ZBTB20: variants seen among roughly 807,000 people sequenced by gnomAD.
ZBTB20 encodes zinc finger and BTB domain containing 20.
In ZBTB20, 9 loss-of-function variants were observed where a neutral mutation model predicts 56.9. That is an observed-to-expected ratio of 0.16 (90% CI 0.10 to 0.28). The LOEUF is 0.28. Among genes scored for constraint, ZBTB20 ranks in the 10% least tolerant of loss-of-function variants. The probability of loss-of-function intolerance (pLI) is 1.00; values close to 1 mark genes in which losing one functional copy is unlikely to be tolerated. For synonymous variants in ZBTB20, 417 were observed against 420.7 expected (o/e 0.99, Z 0.11); for missense variants, 655 against 1,003.0 (o/e 0.65, Z 4.69).
At chr3:114,434,541 G>GGGGTGTGTGTGTGTGTGTGTGTGT (rs1553711977) in intron 7 of ZBTB20, among the ~76,000 whole-genome samples, 2 of 85,736 alleles carry the variant, frequency 2.3e-5, no homozygotes, top group African/African-American at 3.3e-5. Context: ...CTGCAATTGG[G>GGGGTGTGTGTGTGTGTGTGTGTGT]GTGTGTGTGT....
At position 114,325,248 on chromosome 3, in the gene ZBTB20, T is replaced by G. The variant is rs957628520; in HGVS notation, c.*13757A>C. On this transcript the variant is annotated 3_prime_UTR_variant, in exon 12 of 12. Coordinates refer to ENST00000675478, the MANE Select transcript of ZBTB20 (RefSeq NM_001348800.3). ...AAGAAGTTTAGCAGCTGAAAATACCTTTGAGAATTTTCTCCTGTAAATCTA... is the reference window on the plus strand; with the variant it reads ...AAGAAGTTTAGCAGCTGAAAATACCGTTGAGAATTTTCTCCTGTAAATCTA... The G allele has an allele frequency of 1.6e-4, 24 of 152,174 alleles. No individual in the cohort carries two copies. The highest frequency in any genetic ancestry group is 5.8e-4 in the African/African-American group (24 of 41,434). The allele number at this position is 152,174 out of a possible 1,614,324, so 9.4% of individuals were successfully genotyped here. A position where few individuals can be genotyped will look rare whatever the true frequency, so the allele number is the denominator to read the frequency against.
rs190258008 is a variant in ZBTB20 at position 114,325,637 on chromosome 3, T to C, written c.*13368A>G. On this transcript the variant is annotated 3_prime_UTR_variant, in exon 12 of 12. Transcript: ENST00000675478. ...GTAGTGCTAACTTTCTCCGGTAACC[T>C]TGACAACTGGCTTTAGGAATCCAGA... 1 of 152,294 alleles carries C rather than the reference T, an allele frequency of 6.6e-6. No homozygotes were observed. Among genetic ancestry groups the C allele is most frequent in the Admixed American group, 6.5e-5 (1 of 15,294 alleles). The allele number at this position is 152,294 out of a possible 1,614,324, so 9.4% of individuals were successfully genotyped here.
intron 3 of ZBTB20, among the ~76,000 whole-genome samples, chr3:114,939,883 G>A (rs2076669637): frequency 6.8e-6 from 1 of 146,180 alleles, no homozygotes; most frequent in Admixed American, 6.6e-5. Context: ...ACAAATTCTG[G>A]AAAACAGCTT....
intron 1 of ZBTB20, among the ~76,000 whole-genome samples, chr3:115,134,345 G>A (rs1222019740): frequency 6.6e-6 from 1 of 152,164 alleles, no homozygotes; most frequent in Non-Finnish European, 1.5e-5. Flanking sequence ...CAGAGAAAGT[G>A]CCTGCAAAAT....
At chr3:114,667,636 AGGC>A in intron 6 of ZBTB20, among the ~76,000 whole-genome samples, 1 of 152,220 alleles carries the variant, frequency 6.6e-6, no homozygotes. Flanking sequence ...TAATAACTAA[AGGC>A]ATTTATGTGT....
chr3:114,510,067 A>G (rs1440663492), intron 6 of ZBTB20, among the ~76,000 whole-genome samples: 1 of 152,220 alleles, frequency 6.6e-6, no homozygotes, highest in Non-Finnish European at 1.5e-5. Flanking sequence ...TTACGAAAAT[A>G]TAAAGTATTC....
intron 6 of ZBTB20, among the ~76,000 whole-genome samples, chr3:114,515,066 T>C (rs1320728432): frequency 6.6e-6 from 1 of 152,190 alleles, no homozygotes; most frequent in Admixed American, 6.5e-5. Flanking sequence ...CCAGGCTATG[T>C]TCTTGAATCC....
chr3:114,617,400 C>T (rs76019016), intron 6 of ZBTB20, among the ~76,000 whole-genome samples: 3,310 of 152,282 alleles, frequency 0.022, 116 homozygotes, highest in African/African-American at 0.075. Context: ...ATTCCCAGCA[C>T]GGATTTATCA....
chr3:114,462,269 C>G (rs1005900119), intron 7 of ZBTB20, among the ~76,000 whole-genome samples: 2 of 152,118 alleles, frequency 1.3e-5, no homozygotes, highest in African/African-American at 4.8e-5. Context: ...GTCCAATTCT[C>G]CAGGCCAAAA....
chr3:114,501,667 T>A (rs1416207889), intron 6 of ZBTB20, among the ~76,000 whole-genome samples: 1 of 145,552 alleles, frequency 6.9e-6, no homozygotes, highest in African/African-American at 2.5e-5. Flanking sequence ...AAAACTATTA[T>A]AGGACTGGTC....
chr3:115,037,022 T>C (rs761081985), intron 2 of ZBTB20, among the ~76,000 whole-genome samples: 2 of 152,174 alleles, frequency 1.3e-5, no homozygotes, highest in Non-Finnish European at 2.9e-5. Flanking sequence ...GGAGAATGAT[T>C]TGCTGATTCA....
In ZBTB20 at chr3:114,327,227, A is replaced by G. The variant is rs2108024475; in HGVS notation, c.*11778T>C. 6.6e-6 allele frequency: 1 copy of G among 152,208 alleles called. No homozygotes were observed. The highest frequency in any genetic ancestry group is 1.9e-4 in the East Asian group (1 of 5,180). The allele number at this position is 152,208 out of a possible 1,614,324, so 9.4% of individuals were successfully genotyped here. A position where few individuals can be genotyped will look rare whatever the true frequency, so the allele number is the denominator to read the frequency against. ...ACTAACACAGAGGTTGTGGTGAGAAATTCTGGGTCTTGGGGTTGGAATACT... is the reference window on the plus strand; with the variant it reads ...ACTAACACAGAGGTTGTGGTGAGAAGTTCTGGGTCTTGGGGTTGGAATACT... On this transcript the variant is annotated 3_prime_UTR_variant, in exon 12 of 12. Coordinates refer to ENST00000675478, the MANE Select transcript of ZBTB20 (RefSeq NM_001348800.3).
chr3:114,492,214 C>G (rs1182048833), intron 7 of ZBTB20, among the ~76,000 whole-genome samples: 1 of 152,200 alleles, frequency 6.6e-6, no homozygotes, highest in African/African-American at 2.4e-5. Context: ...CCAACAGATT[C>G]ATTTACCACT....
chr3:114,396,503 T>C (rs2086348730), intron 7 of ZBTB20, among the ~76,000 whole-genome samples: 1 of 152,182 alleles, frequency 6.6e-6, no homozygotes, highest in African/African-American at 2.4e-5. Context: ...TTGGGAATTA[T>C]ATTCCCATTT....
chr3:114,563,290 CAA>C (rs1312217599), intron 6 of ZBTB20, among the ~76,000 whole-genome samples: 1 of 152,178 alleles, frequency 6.6e-6, no homozygotes, highest in Non-Finnish European at 1.5e-5. Flanking sequence ...CTCAAATCTG[CAA>C]AGACACCTTG....
chr3:114,910,567 G>A (rs1032266338), intron 3 of ZBTB20, among the ~76,000 whole-genome samples: 1 of 151,894 alleles, frequency 6.6e-6, no homozygotes, highest in Admixed American at 6.6e-5. Context: ...AAAAAGAAAA[G>A]TAACAATAGC....
intron 7 of ZBTB20, among the ~76,000 whole-genome samples, chr3:114,426,641 C>G (rs1230563932): frequency 6.6e-6 from 1 of 152,096 alleles, no homozygotes; most frequent in Non-Finnish European, 1.5e-5. Context: ...TCCACATAAG[C>G]CTGCATCTAC....
intron 3 of ZBTB20, among the ~76,000 whole-genome samples, chr3:114,903,117 A>G (rs1432659211): frequency 6.6e-6 from 1 of 152,136 alleles, no homozygotes; most frequent in African/African-American, 2.4e-5. Context: ...AGTTCTGGGA[A>G]GCAGTAGAGT....
chr3:114,614,548 T>C (rs1274389704), intron 6 of ZBTB20, among the ~76,000 whole-genome samples: 1 of 152,164 alleles, frequency 6.6e-6, no homozygotes, highest in Admixed American at 6.5e-5. Flanking sequence ...CCATTATTAC[T>C]GAGATTTTTC....
Sources: allele counts gnomAD v4.1 joint callset (sites outside exome capture counted in the v4.1 genomes callset), GRCh38; gene constraint gnomAD v4.1.1; transcripts MANE v1.5; gene names NCBI Gene and HGNC (gene_info 2026-07-23, HGNC 2026-07-21).